The following ALX1 variants were observed in gnomAD, a reference collection of about 807,000 sequenced individuals.
The protein encoded by ALX1 is ALX homeobox protein 1.
In ALX1, 19 loss-of-function variants were observed where a neutral mutation model predicts 31.7. The observed-to-expected ratio is 0.60, with a 90% CI of 0.42 to 0.88. The LOEUF (loss-of-function observed/expected upper bound fraction) is 0.88. Ranked by LOEUF, ALX1 falls within the 40% of genes least tolerant of loss-of-function variation. ALX1 has a pLI of 0.00. For synonymous variants in ALX1, 153 were observed against 148.8 expected (o/e 1.03, Z -0.20); for missense variants, 415 against 407.8 (o/e 1.02, Z -0.15).
At chr12:85,297,082 A>G (rs1311679859) in intron 3 of ALX1, among the ~76,000 whole-genome samples, 1 of 151,704 alleles carries the variant, frequency 6.6e-6, no homozygotes, top group Non-Finnish European at 1.5e-5. Context: ...ATTACTGCCT[A>G]TATGAGAATA....
At position 85,283,895 on chromosome 12, in the gene ALX1, C is replaced by G. The variant is rs564645241; in HGVS notation, c.531+19C>G. 1.2e-6 allele frequency: 2 copies of G among 1,612,324 alleles called. No individual in the cohort carries two copies. Among genetic ancestry groups the G allele is most frequent in the African/African-American group, 2.7e-5 (2 of 74,908 alleles). On this transcript the variant is annotated intron_variant, in intron 2 of 3. Transcript: ENST00000316824. ...GGTCCAGGTAGGAGCCAAAAAGAGG[C>G]CTTGATGGATGGGATAGGAAAATAA...
intron 1 of ALX1, among the ~76,000 whole-genome samples, chr12:85,280,715 T>C (rs1282360827): frequency 1.3e-5 from 2 of 152,206 alleles, no homozygotes; most frequent in African/African-American, 4.8e-5. Flanking sequence ...GGGTTGCCTC[T>C]GAGCGATTCT....
intron 2 of ALX1, among the ~76,000 whole-genome samples, chr12:85,286,267 AT>A (rs1896746112): frequency 6.6e-6 from 1 of 151,686 alleles, no homozygotes; most frequent in African/African-American, 2.4e-5. Context: ...ATGTAATCTC[AT>A]TTTTTCCTAT....
At chr12:85,284,686 C>G (rs950938251) in intron 2 of ALX1, among the ~76,000 whole-genome samples, 2 of 151,874 alleles carry the variant, frequency 1.3e-5, no homozygotes, top group Non-Finnish European at 2.9e-5. Context: ...CTTAGGAGTA[C>G]TTTATTTTGA....
At chr12:85,297,401 G>A (rs1896904412) in intron 3 of ALX1, among the ~76,000 whole-genome samples, 1 of 151,624 alleles carries the variant, frequency 6.6e-6, no homozygotes, top group Non-Finnish European at 1.5e-5. Flanking sequence ...TGTTTACCTG[G>A]AGAAAAAGGA....
chr12:85,283,380 CACATT>C (rs1437561415), intron 1 of ALX1, among the ~76,000 whole-genome samples, 187 bp from the exon 2 acceptor site: 119 of 152,250 alleles, frequency 7.8e-4, no homozygotes, highest in African/African-American at 2.7e-3. Flanking sequence ...GTTGCATGAA[CACATT>C]TTAAAATGGT....
intron 3 of ALX1, among the ~76,000 whole-genome samples, chr12:85,297,632 A>G (rs1040473047): frequency 6.6e-6 from 1 of 151,470 alleles, no homozygotes; most frequent in African/African-American, 2.4e-5. Context: ...AGAATTTTTC[A>G]TTTGGAAGGA....
intron 3 of ALX1, among the ~76,000 whole-genome samples, chr12:85,287,425 C>G (rs1896762237): frequency 6.7e-6 from 1 of 149,896 alleles, no homozygotes; most frequent in Admixed American, 6.6e-5. Flanking sequence ...GCCCTTAACT[C>G]CATTTAAAAA....
At chr12:85,297,803 A>G (rs1387788336) in intron 3 of ALX1, among the ~76,000 whole-genome samples, 2 of 151,710 alleles carry the variant, frequency 1.3e-5, no homozygotes. Context: ...TTAATAATAA[A>G]AATAAAGAAC....
At chr12:85,295,569 T>G (rs1289972347) in intron 3 of ALX1, among the ~76,000 whole-genome samples, 4 of 151,566 alleles carry the variant, frequency 2.6e-5, no homozygotes, top group Non-Finnish European at 5.9e-5. Context: ...CAAATCAGTT[T>G]TTAGATTTTC....
chr12:85,297,417 G>A (rs1896904863), intron 3 of ALX1, among the ~76,000 whole-genome samples: 1 of 151,602 alleles, frequency 6.6e-6, no homozygotes, highest in Admixed American at 6.6e-5. Flanking sequence ...AAGGATTTGG[G>A]GGTTGTATCA....
intron 1 of ALX1, among the ~76,000 whole-genome samples, chr12:85,281,195 G>A (rs889539403): frequency 6.6e-6 from 1 of 152,108 alleles, no homozygotes; most frequent in Non-Finnish European, 1.5e-5. Context: ...CAGATTCTAC[G>A]TTTTGTATTT....
chr12:85,292,677 G>A (rs893038732), intron 3 of ALX1, among the ~76,000 whole-genome samples: 7 of 150,788 alleles, frequency 4.6e-5, no homozygotes, highest in Non-Finnish European at 8.9e-5. Context: ...AAATTTTAAG[G>A]TTTTCATGTA....
rs758427563 is a variant in ALX1 at position 85,301,163 on chromosome 12, C to A, written c.669C>A (p.Asn223Lys). The change falls in exon 4 of 4, where the codon AAC becomes AAA. Residue 223 changes from asparagine (N) to lysine (K), a missense_variant. By Grantham distance (94) the Asn-to-Lys change is moderately conservative. Coordinates refer to ENST00000316824, the MANE Select transcript of ALX1 (RefSeq NM_006982.3). ...PRTDSYPQIQNNLWAGNASGG... is the reference protein window; with the variant it reads ...PRTDSYPQIQKNLWAGNASGG... ...TGTTTTATATATTCCAGATTCAGAA[C>A]AATTTGTGGGCAGGAAATGCAAGTG... 5 of 1,613,892 alleles carry A rather than the reference C, an allele frequency of 3.1e-6. No individual in the cohort carries two copies. In the Admixed American group the frequency reaches 6.7e-5, roughly 22 times the overall value.
At chr12:85,287,094 C>A in intron 3 of ALX1, 113 bp downstream of exon 3, 1 of 1,290,514 alleles carries the variant, frequency 7.7e-7, no homozygotes, top group South Asian at 1.4e-5. Flanking sequence ...GAATGAAAAT[C>A]TAAGCTTCAG....
chr12:85,280,544 A>G (rs746323343), intron 1 of ALX1, 57 bp downstream of exon 1: 119 of 1,562,950 alleles, frequency 7.6e-5, no homozygotes, highest in Middle Eastern at 6.8e-4. Context: ...TCGAAAATGC[A>G]GGATCGGTCT....
At chr12:85,286,151 A>C (rs1896743656) in intron 2 of ALX1, among the ~76,000 whole-genome samples, 1 of 151,944 alleles carries the variant, frequency 6.6e-6, no homozygotes, top group Non-Finnish European at 1.5e-5. Context: ...ATAAGGGAAA[A>C]TAAGTTGCAT....
At position 85,301,264 on chromosome 12, in the gene ALX1, G is replaced by C. The variant is rs755258550; in HGVS notation, c.770G>C (p.Arg257Pro). Residue 257 changes from arginine to proline, a missense_variant, in exon 4 of 4, where the codon CGG becomes CCG. Physicochemically the swap from Arg to Pro is moderately radical, Grantham distance 103. Coordinates refer to ENST00000316824, the MANE Select transcript of ALX1 (RefSeq NM_006982.3). ...SCMTPYSHSP[R>P]TDSSYTGFSN... Reference sequence around the variant, plus strand: ...ATGACACCTTATTCTCACTCGCCTCGGACAGATTCCAGTTACACGGGGTTT... The same window carrying C: ...ATGACACCTTATTCTCACTCGCCTCCGACAGATTCCAGTTACACGGGGTTT... 3.7e-6 allele frequency: 6 copies of C among 1,613,892 alleles called. No individual in the cohort carries two copies. In the Admixed American group the frequency reaches 8.3e-5, roughly 22 times the overall value.
Position 85,286,184 on chromosome 12 carries a change from A to G in ALX1, c.532-669A>G, listed in dbSNP as rs1896744161. Among the ~76,000 whole-genome samples the G allele has an allele frequency of 2.6e-5, 4 of 152,028 alleles. No individual in the cohort carries two copies. In the South Asian group the frequency reaches 8.3e-4, roughly 32 times the overall value. On this transcript the variant is annotated intron_variant, in intron 2 of 3. Transcript: ENST00000316824. The stretch of plus-strand genomic sequence containing the variant: ...CATAATGTATGTAATAAGCACATTC[A>G]CGTATTTTAAAACCATAGTTCAACT...
Sources: allele counts gnomAD v4.1 joint callset (sites outside exome capture counted in the v4.1 genomes callset), GRCh38; gene constraint gnomAD v4.1.1; transcripts MANE v1.5; gene names NCBI Gene and HGNC (gene_info 2026-07-23, HGNC 2026-07-21).